The following CUL5 variants were observed in gnomAD, a reference collection of about 807,000 sequenced individuals.
CUL5 encodes cullin-5.
A neutral mutation model predicts 108.8 loss-of-function variants in CUL5; 26 were observed. The ratio of observed to expected loss-of-function variants is 0.24; its 90% CI spans 0.18 to 0.33. CUL5 has a LOEUF of 0.33. CUL5 is among the 10% of genes least tolerant of loss of function. CUL5 has a pLI of 1.00. For synonymous variants in CUL5, 334 were observed against 298.0 expected (o/e 1.12, Z -1.25); for missense variants, 524 against 909.2 (o/e 0.58, Z 5.45).
chr11:108,036,097 A>T (rs1050267228), intron 2 of CUL5, among the ~76,000 whole-genome samples: 5 of 152,244 alleles, frequency 3.3e-5, no homozygotes, highest in African/African-American at 1.2e-4. Context: ...TAAGGGTCAG[A>T]CATCTAATTT....
In CUL5 at chr11:108,084,355, C is replaced by T. The variant is rs767230830; in HGVS notation, c.1179-4172C>T. 4.6e-5 allele frequency among the ~76,000 whole-genome samples: 7 copies of T among 152,288 alleles called. No homozygotes were observed. The South Asian group carries it at 1.2e-3, about 27-fold the overall frequency. ...TTGTAACTGTGTTTCCCTAAGGAGA[C>T]GCAGCAGCTGAGAATGTAGTTTTGG... On this transcript the variant is annotated intron_variant, in intron 11 of 18. Coordinates refer to ENST00000393094, the MANE Select transcript of CUL5 (RefSeq NM_003478.6).
chr11:108,078,282 CT>C, intron 11 of CUL5, 42 bp downstream of exon 11: 1 of 1,230,840 alleles, frequency 8.1e-7, no homozygotes, highest in East Asian at 2.4e-5. Flanking sequence ...CTTAAATTTT[CT>C]TTAGTGTAAT....
chr11:108,061,814 A>G (rs1339895027), intron 7 of CUL5, among the ~76,000 whole-genome samples: 1 of 152,208 alleles, frequency 6.6e-6, no homozygotes. Flanking sequence ...AACCAGTTCC[A>G]CATGGCCTGG....
At chr11:108,035,819 G>C (rs1433357539) in intron 2 of CUL5, among the ~76,000 whole-genome samples, 16 of 152,120 alleles carry the variant, frequency 1.1e-4, no homozygotes, top group Non-Finnish European at 1.5e-5. Flanking sequence ...GTTCAGCACA[G>C]CTTGTGTTGA....
intron 2 of CUL5, among the ~76,000 whole-genome samples, chr11:108,035,709 T>A (rs1293904735): frequency 6.6e-6 from 1 of 151,734 alleles, no homozygotes; most frequent in African/African-American, 2.4e-5. Flanking sequence ...AAGCCGTGAC[T>A]GTGCCACTAC....
intron 16 of CUL5, among the ~76,000 whole-genome samples, chr11:108,096,543 A>T (rs1864502071): frequency 7.1e-6 from 1 of 140,930 alleles, no homozygotes; most frequent in Non-Finnish European, 1.5e-5. Flanking sequence ...GTTACCTGTG[A>T]GGAATGTGAC....
intron 1 of CUL5, among the ~76,000 whole-genome samples, chr11:108,033,381 T>TAAC (rs2135086805): frequency 6.6e-6 from 1 of 152,306 alleles, no homozygotes; most frequent in Admixed American, 6.5e-5. Flanking sequence ...TCTCAAGTTG[T>TAAC]ATTGTTCGTC....
intron 7 of CUL5, among the ~76,000 whole-genome samples, chr11:108,059,590 T>C (rs1863482830): frequency 3.3e-5 from 5 of 152,032 alleles, no homozygotes; most frequent in Admixed American, 2.6e-4. Context: ...AACTATAAAA[T>C]GGAATAGGCC....
At chr11:108,068,086 C>A (rs769124510) in intron 7 of CUL5, among the ~76,000 whole-genome samples, 1 of 151,818 alleles carries the variant, frequency 6.6e-6, no homozygotes, top group Admixed American at 6.6e-5. Context: ...CCACCATGCC[C>A]GGCTAATTTT....
Position 108,096,601 on chromosome 11 carries a change from T to G in CUL5, c.1905+910T>G, listed in dbSNP as rs571005375. Among the ~76,000 whole-genome samples the G allele has an allele frequency of 1.9e-3, 279 of 145,472 alleles. 1 individual carries two copies. Among genetic ancestry groups the G allele is most frequent in the African/African-American group, 6.8e-3 (266 of 39,034 alleles). ...TTTTTTTTTTTTTTTTGAGACACTCTTGTCGCTCAGGCTGGAGTGCAATGG... is the reference window on the plus strand; with the variant it reads ...TTTTTTTTTTTTTTTTGAGACACTCGTGTCGCTCAGGCTGGAGTGCAATGG... On this transcript the variant is annotated intron_variant, in intron 16 of 18. Coordinates refer to ENST00000393094, the MANE Select transcript of CUL5 (RefSeq NM_003478.6).
At chr11:108,026,988 C>CAAA (rs34941469) in intron 1 of CUL5, among the ~76,000 whole-genome samples, 20 of 97,180 alleles carry the variant, frequency 2.1e-4, no homozygotes, top group African/African-American at 6.6e-4. Flanking sequence ...GACTCCGTCT[C>CAAA]AAAAAAAAAA....
chr11:108,094,780 T>G (rs1181821155), intron 14 of CUL5, 32 bp from the exon 15 acceptor site: 3 of 1,476,434 alleles, frequency 2.0e-6, no homozygotes, highest in Non-Finnish European at 2.7e-6. Flanking sequence ...CATTGTTAAT[T>G]TACTTTATAT....
chr11:108,030,190 T>C (rs1466831493), intron 1 of CUL5, among the ~76,000 whole-genome samples: 1 of 152,238 alleles, frequency 6.6e-6, no homozygotes, highest in Admixed American at 6.5e-5. Flanking sequence ...ATTCTGACTC[T>C]GAATTTCCCA....
At chr11:108,081,742 T>C (rs147778972) in intron 11 of CUL5, among the ~76,000 whole-genome samples, 360 of 152,164 alleles carry the variant, frequency 2.4e-3, no homozygotes, top group African/African-American at 8.4e-3. Flanking sequence ...AGAGTGCGAG[T>C]CTCCGTCTCA....
At chr11:108,051,736 T>C (rs1863228761) in intron 4 of CUL5, among the ~76,000 whole-genome samples, 1 of 152,216 alleles carries the variant, frequency 6.6e-6, no homozygotes, top group East Asian at 1.9e-4. Flanking sequence ...TTTACATTTT[T>C]TATGTGTCTT....
chr11:108,089,066 G>GGT (rs1251724124), intron 12 of CUL5, among the ~76,000 whole-genome samples: 1 of 151,840 alleles, frequency 6.6e-6, no homozygotes, highest in Middle Eastern at 3.2e-3. Flanking sequence ...TCACCCAGTT[G>GGT]TTAGTGTAAT....
chr11:108,081,060 G>A (rs1591322316), intron 11 of CUL5, among the ~76,000 whole-genome samples: 1 of 152,102 alleles, frequency 6.6e-6, no homozygotes, highest in South Asian at 2.1e-4. Context: ...GCCAAAGCGG[G>A]TGGATCACTT....
At chr11:108,013,790 C>CG (rs1264218622) in intron 1 of CUL5, among the ~76,000 whole-genome samples, 1 of 151,968 alleles carries the variant, frequency 6.6e-6, no homozygotes, top group African/African-American at 2.4e-5. Flanking sequence ...CTATAGAGGC[C>CG]GGGCATGGTG....
At chr11:108,051,059 A>T (rs887123271) in intron 4 of CUL5, among the ~76,000 whole-genome samples, 3 of 152,202 alleles carry the variant, frequency 2.0e-5, no homozygotes, top group Non-Finnish European at 4.4e-5. Flanking sequence ...ACAGTAAAAC[A>T]CTCAGGCATT....
Sources: allele counts gnomAD v4.1 joint callset (sites outside exome capture counted in the v4.1 genomes callset), GRCh38; gene constraint gnomAD v4.1.1; transcripts MANE v1.5; gene names NCBI Gene and HGNC (gene_info 2026-07-23, HGNC 2026-07-21).